The following AFF1 variants were observed in gnomAD, a reference collection of about 807,000 sequenced individuals.
The protein encoded by AFF1 is ALF transcription elongation factor 1.
Under a neutral mutation model 121.7 loss-of-function variants are expected in AFF1, and 48 were observed. The observed-to-expected ratio is 0.39, with a 90% CI of 0.31 to 0.50. The LOEUF (loss-of-function observed/expected upper bound fraction) is 0.50. Among genes scored for constraint, AFF1 ranks in the 20% least tolerant of loss-of-function variants. The pLI is 0.76. For missense variants in AFF1, 1,523 were observed against 1,511.7 expected, an observed-to-expected ratio of 1.01 and a Z score of -0.12; for synonymous variants, 613 against 563.0, an observed-to-expected ratio of 1.09 and a Z score of -1.26.
At chr4:87,008,827 T>G (rs1260379681) in intron 2 of AFF1, among the ~76,000 whole-genome samples, 2 of 152,344 alleles carry the variant, frequency 1.3e-5, no homozygotes, top group East Asian at 3.9e-4. Flanking sequence ...ACTGTACCAT[T>G]GATTTCTTTT....
At chr4:87,120,592 G>C (rs1214380756) in intron 12 of AFF1, among the ~76,000 whole-genome samples, 1 of 152,186 alleles carries the variant, frequency 6.6e-6, no homozygotes, top group African/African-American at 2.4e-5. Context: ...AGTGTCTGTT[G>C]GGAGGATTCT....
chr4:87,005,193 G>A (rs1726007134), intron 2 of AFF1, among the ~76,000 whole-genome samples: 1 of 152,154 alleles, frequency 6.6e-6, no homozygotes, highest in Admixed American at 6.6e-5. Flanking sequence ...TCCAGGCTCT[G>A]GTATCAAACT....
At chr4:87,029,337 A>C (rs1728839820) in intron 2 of AFF1, among the ~76,000 whole-genome samples, 1 of 152,134 alleles carries the variant, frequency 6.6e-6, no homozygotes, top group Non-Finnish European at 1.5e-5. Context: ...GGTTCACTCT[A>C]CCTCCATTTG....
intron 2 of AFF1, among the ~76,000 whole-genome samples, chr4:86,952,813 T>G (rs1423273652): frequency 1.3e-5 from 2 of 151,470 alleles, no homozygotes; most frequent in Non-Finnish European, 2.9e-5. Context: ...CCTGAGTAGC[T>G]GGCACTACAG....
At chr4:87,121,581 A>G (rs560970772) in intron 12 of AFF1, among the ~76,000 whole-genome samples, 2 of 151,084 alleles carry the variant, frequency 1.3e-5, no homozygotes, top group Non-Finnish European at 2.9e-5. Context: ...TGCATAGTGT[A>G]CAAAAAACCA....
chr4:86,957,527 A>G (rs1721826898), intron 2 of AFF1, among the ~76,000 whole-genome samples: 1 of 151,992 alleles, frequency 6.6e-6, no homozygotes, highest in Admixed American at 6.6e-5. Flanking sequence ...CAACTAGTTC[A>G]TTTTTGGTTG....
chr4:87,065,568 T>G (rs931259619), intron 4 of AFF1, among the ~76,000 whole-genome samples: 15 of 151,800 alleles, frequency 9.9e-5, no homozygotes, highest in African/African-American at 2.4e-5. Context: ...ACAAGTAGTA[T>G]TATGACGCAG....
intron 4 of AFF1, among the ~76,000 whole-genome samples, chr4:87,068,414 CT>C (rs1480527277): frequency 1.3e-5 from 2 of 152,220 alleles, no homozygotes; most frequent in Non-Finnish European, 2.9e-5. Flanking sequence ...TTAATAGGAA[CT>C]CCCACTGGTG....
Position 86,985,178 on chromosome 4 carries a change from T to TATATA in AFF1, c.38+36607_38+36608insATATA, listed in dbSNP as rs1255880379. 1.9e-3 allele frequency among the ~76,000 whole-genome samples: 174 copies of TATATA among 92,830 alleles called. 3 individuals carry two copies. Among genetic ancestry groups the TATATA allele is most frequent in the Non-Finnish European group, 2.9e-3 (142 of 49,624 alleles). 60.9% of individuals were successfully genotyped at this position (92,830 alleles called of 152,430 possible). ...AAAAATATAATATATATAATATGTA[T>TATATA]TACTATATATATATATATATATATA... On this transcript the variant is annotated intron_variant, in intron 2 of 20. Transcript: ENST00000395146.
At chr4:86,975,292 C>T (rs1378086883) in intron 2 of AFF1, among the ~76,000 whole-genome samples, 3 of 152,056 alleles carry the variant, frequency 2.0e-5, no homozygotes, top group Non-Finnish European at 2.9e-5. Context: ...ACTCTGTTAC[C>T]CAGGCTGGAG....
chr4:86,944,375 T>G (rs1173070761), intron 1 of AFF1, among the ~76,000 whole-genome samples: 2 of 3,180 alleles, frequency 6.3e-4, no homozygotes, highest in Non-Finnish European at 0.33. Flanking sequence ...TTCTGGAGGT[T>G]TTTTTTTTTT....
intron 4 of AFF1, among the ~76,000 whole-genome samples, chr4:87,050,639 C>G (rs950332990): frequency 1.3e-5 from 2 of 152,164 alleles, no homozygotes; most frequent in Non-Finnish European, 2.9e-5. Flanking sequence ...AAAAAATTAT[C>G]AAAAGGTCGG....
intron 20 of AFF1, 82 bp downstream of exon 20, chr4:87,134,776 A>G: frequency 8.3e-7 from 1 of 1,203,074 alleles, no homozygotes; most frequent in Non-Finnish European, 1.2e-6. Context: ...TTATAAGTTC[A>G]GTTTCTTGGA....
At chr4:86,949,764 G>C in intron 2 of AFF1, 1 of 1,612,098 alleles carries the variant, frequency 6.2e-7, no homozygotes, top group Middle Eastern at 1.7e-4. Flanking sequence ...ATGGTCATCT[G>C]GGTGAAGCCC....
intron 2 of AFF1, among the ~76,000 whole-genome samples, chr4:87,002,302 C>T (rs944774874): frequency 4.6e-5 from 7 of 151,660 alleles, no homozygotes; most frequent in African/African-American, 1.7e-4. Flanking sequence ...TCCTATGTTG[C>T]CCAGGTTGGT....
intron 2 of AFF1, among the ~76,000 whole-genome samples, chr4:87,041,908 G>T (rs1044187988): frequency 2.6e-5 from 4 of 151,810 alleles, no homozygotes; most frequent in African/African-American, 9.7e-5. Flanking sequence ...CTATCTACTC[G>T]GGAGGCTGAG....
intron 2 of AFF1, among the ~76,000 whole-genome samples, chr4:87,041,777 G>A (rs947754805): frequency 1.3e-5 from 2 of 152,196 alleles, no homozygotes; most frequent in African/African-American, 4.8e-5. Flanking sequence ...CACTTTAGGA[G>A]ACTGAGGTGG....
At chr4:87,005,602 AAAG>A (rs1315707304) in intron 2 of AFF1, among the ~76,000 whole-genome samples, 1 of 152,224 alleles carries the variant, frequency 6.6e-6, no homozygotes, top group East Asian at 1.9e-4. Context: ...CCATGAAAAA[AAAG>A]CTAGCTCAGC....
At chr4:87,001,632 G>T (rs181440651) in intron 2 of AFF1, among the ~76,000 whole-genome samples, 1 of 152,284 alleles carries the variant, frequency 6.6e-6, no homozygotes, top group Non-Finnish European at 1.5e-5. Context: ...CCCTTAGGTC[G>T]TGAGAATCTC....
Sources: allele counts gnomAD v4.1 joint callset (sites outside exome capture counted in the v4.1 genomes callset), GRCh38; gene constraint gnomAD v4.1.1; transcripts MANE v1.5; gene names NCBI Gene and HGNC (gene_info 2026-07-23, HGNC 2026-07-21).